Variants in ARHGAP44 observed in about 807,000 individuals in gnomAD.
The protein encoded by ARHGAP44 is Rho GTPase activating protein 44, also known as rho GTPase-activating protein 44.
Under a neutral mutation model 106.8 loss-of-function variants are expected in ARHGAP44, and 43 were observed. That is an observed-to-expected ratio of 0.40 (90% CI 0.32 to 0.52). ARHGAP44 has a LOEUF of 0.52. Among genes scored for constraint, ARHGAP44 ranks in the 20% least tolerant of loss-of-function variants. The pLI, the probability that ARHGAP44 is intolerant of heterozygous loss-of-function variation, is 0.48. For synonymous variants in ARHGAP44, 439 were observed against 410.3 expected (o/e 1.07, Z -0.85); for missense variants, 866 against 1,050.5 (o/e 0.82, Z 2.43).
intron 7 of ARHGAP44, among the ~76,000 whole-genome samples, chr17:12,936,669 T>C (rs2038558924): frequency 6.6e-6 from 1 of 152,220 alleles, no homozygotes; most frequent in Non-Finnish European, 1.5e-5. Context: ...ATGCGAGCTT[T>C]TATGTGACAT....
At chr17:12,799,083 G>A (rs9303061) in intron 1 of ARHGAP44, among the ~76,000 whole-genome samples, 19,901 of 152,040 alleles carry the variant, frequency 0.13, 1,811 homozygotes, top group East Asian at 0.25. Context: ...TCCCTACCCC[G>A]GTCAGTAATT....
At chr17:12,812,360 C>T (rs1168083189) in intron 1 of ARHGAP44, among the ~76,000 whole-genome samples, 5 of 151,900 alleles carry the variant, frequency 3.3e-5, no homozygotes, top group South Asian at 4.2e-4. Flanking sequence ...CATGGGATTT[C>T]GACAGATGGA....
intron 1 of ARHGAP44, among the ~76,000 whole-genome samples, chr17:12,799,947 G>T (rs2034038537): frequency 6.6e-6 from 1 of 152,018 alleles, no homozygotes; most frequent in African/African-American, 2.4e-5. Flanking sequence ...TTAATTTTTT[G>T]TTTTGAGCCC....
At chr17:12,797,908 A>G (rs965183408) in intron 1 of ARHGAP44, among the ~76,000 whole-genome samples, 2 of 151,928 alleles carry the variant, frequency 1.3e-5, no homozygotes, top group Non-Finnish European at 2.9e-5. Flanking sequence ...CTCCTGTACA[A>G]TTTTGCTTTT....
intron 3 of ARHGAP44, among the ~76,000 whole-genome samples, chr17:12,903,255 T>G (rs2037450074): frequency 6.6e-6 from 1 of 151,438 alleles, no homozygotes; most frequent in South Asian, 2.1e-4. Context: ...GTGTTGCTTG[T>G]GCCCAAGATA....
intron 1 of ARHGAP44, among the ~76,000 whole-genome samples, chr17:12,813,742 G>C (rs1251551506): frequency 2.6e-5 from 4 of 152,036 alleles, no homozygotes; most frequent in Non-Finnish European, 5.9e-5. Flanking sequence ...CACTCTCCTT[G>C]GGTGGTGGGA....
chr17:12,842,073 G>A (rs1382054908), intron 1 of ARHGAP44, among the ~76,000 whole-genome samples: 3 of 151,542 alleles, frequency 2.0e-5, no homozygotes, highest in East Asian at 3.9e-4. Flanking sequence ...AGCCTTGGCC[G>A]AACATGAGAA....
chr17:12,909,101 G>A, intron 4 of ARHGAP44, 128 bp downstream of exon 4: 1 of 758,958 alleles, frequency 1.3e-6, no homozygotes, highest in South Asian at 2.1e-5. Flanking sequence ...AAAGGAAAAT[G>A]TTACCAGTAG....
At chr17:12,886,110 A>G (rs1166067895) in intron 1 of ARHGAP44, among the ~76,000 whole-genome samples, 1 of 152,014 alleles carries the variant, frequency 6.6e-6, no homozygotes, top group Non-Finnish European at 1.5e-5. Context: ...CCTCCATTGA[A>G]TTGCCTTTGT....
intron 1 of ARHGAP44, among the ~76,000 whole-genome samples, chr17:12,825,355 A>T (rs1400479692): frequency 6.6e-6 from 1 of 151,976 alleles, no homozygotes; most frequent in Non-Finnish European, 1.5e-5. Context: ...CTAATTTTTT[A>T]AAATGACATG....
chr17:12,855,401 G>A (rs1034566764), intron 1 of ARHGAP44, among the ~76,000 whole-genome samples: 4 of 152,152 alleles, frequency 2.6e-5, no homozygotes, highest in Non-Finnish European at 5.9e-5. Context: ...AGAAAATTGT[G>A]TCAGGAAGTC....
Position 12,789,763 on chromosome 17 carries a change from C to CAGGG in ARHGAP44, c.-76_-75insAGGG. ...TCGCCCGGGAGGCTCCGCGCGGGAG[C>CAGGG]CATGTAACCCTGCGGCGGGCTCCGG... On this transcript the variant is annotated 5_prime_UTR_variant, in exon 1 of 21. Coordinates refer to ENST00000379672, the MANE Select transcript of ARHGAP44 (RefSeq NM_014859.6). 7.6e-7 allele frequency: 1 copy of CAGGG among 1,315,692 alleles called. No homozygotes were observed. The highest frequency in any genetic ancestry group is 9.9e-7 in the Non-Finnish European group (1 of 1,012,410). The allele number at this position is 1,315,692 out of a possible 1,614,324, so 81.5% of individuals were successfully genotyped here.
At chr17:12,968,009 A>G (rs906527974) in intron 16 of ARHGAP44, among the ~76,000 whole-genome samples, 4 of 152,230 alleles carry the variant, frequency 2.6e-5, no homozygotes, top group Non-Finnish European at 5.9e-5. Flanking sequence ...AAATCATGGT[A>G]AGCACCGACT....
At chr17:12,962,115 A>G (rs1319381480) in intron 16 of ARHGAP44, among the ~76,000 whole-genome samples, 1 of 151,988 alleles carries the variant, frequency 6.6e-6, no homozygotes, top group Non-Finnish European at 1.5e-5. Flanking sequence ...TCAATAAAGC[A>G]GATACTTATT....
At chr17:12,957,105 T>C (rs2143158888) in intron 15 of ARHGAP44, among the ~76,000 whole-genome samples, 1 of 152,260 alleles carries the variant, frequency 6.6e-6, no homozygotes, top group Middle Eastern at 3.4e-3. Context: ...ATTACAGGCA[T>C]GCACCACCAC....
chr17:12,813,666 G>T (rs948397780), intron 1 of ARHGAP44, among the ~76,000 whole-genome samples: 1 of 152,152 alleles, frequency 6.6e-6, no homozygotes, highest in African/African-American at 2.4e-5. Flanking sequence ...CTCAGTAACA[G>T]GAATGGATGT....
chr17:12,902,685 C>T (rs1598025254), intron 3 of ARHGAP44, among the ~76,000 whole-genome samples: 3 of 152,198 alleles, frequency 2.0e-5, no homozygotes, highest in Non-Finnish European at 2.9e-5. Context: ...TGAGGTTAAG[C>T]TCTGGAATCT....
At chr17:12,862,261 A>T (rs1234566226) in intron 1 of ARHGAP44, among the ~76,000 whole-genome samples, 3 of 152,040 alleles carry the variant, frequency 2.0e-5, no homozygotes, top group Non-Finnish European at 4.4e-5. Flanking sequence ...AACCTTAAGA[A>T]AAACAGACCT....
chr17:12,871,201 G>C (rs2036395985), intron 1 of ARHGAP44, among the ~76,000 whole-genome samples: 1 of 152,180 alleles, frequency 6.6e-6, no homozygotes, highest in South Asian at 2.1e-4. Flanking sequence ...ACCTGGTACA[G>C]TTTGGTTCTG....
Sources: gnomAD v4.1 joint callset for allele counts (sites outside exome capture counted in the v4.1 genomes callset) on GRCh38, gnomAD v4.1.1 for gene constraint, MANE v1.5 for transcripts, NCBI Gene and HGNC (gene_info 2026-07-23, HGNC 2026-07-21) for gene names.